TAF5L: variants seen among roughly 807,000 people sequenced by gnomAD.
TAF5L encodes the protein TATA-box binding protein associated factor 5 like.
A neutral mutation model predicts 51.3 loss-of-function variants in TAF5L; 7 were observed. The ratio of observed to expected loss-of-function variants is 0.14; its 90% confidence interval spans 0.08 to 0.26. The LOEUF is 0.26. TAF5L is among the 10% of genes least tolerant of loss of function. The pLI, the probability that TAF5L is intolerant of heterozygous loss-of-function variation, is 1.00. For missense variants in TAF5L, 575 were observed against 758.9 expected (o/e 0.76, Z 2.85); for synonymous variants, 291 against 308.1 (o/e 0.94, Z 0.58).
At chr1:229,615,064 T>TTTTCATTTTATTTTA (rs1387467408) in intron 1 of TAF5L, among the ~76,000 whole-genome samples, 9 of 152,172 alleles carry the variant, frequency 5.9e-5, no homozygotes, top group Non-Finnish European at 1.0e-4. Context: ...GCAAAATGTG[T>TTTTCATTTTATTTTA]TTTCATTTTA....
At chr1:229,595,238 C>T in intron 4 of TAF5L, 144 bp from the exon 5 acceptor site, 1 of 855,520 alleles carries the variant, frequency 1.2e-6, no homozygotes, top group Non-Finnish European at 1.8e-6. Flanking sequence ...TGACAGTGGC[C>T]TTGCCCTTGA....
At chr1:229,612,576 A>G (rs1571847161) in intron 2 of TAF5L, among the ~76,000 whole-genome samples, 1 of 152,366 alleles carries the variant, frequency 6.6e-6, no homozygotes, top group East Asian at 1.9e-4. Context: ...AAGGCAAGGA[A>G]TAATGGGTGG....
rs1664903790 is a variant in TAF5L, at chr1:229,614,544, C to G, written c.-3-59G>C. ...TCAGGGGCCTGGGAGAGCAACCTAT[C>G]TAACTGCACCATCGCAGATGGGTAG... On this transcript the variant is annotated intron_variant, in intron 1 of 4. Coordinates refer to ENST00000258281, the Ensembl canonical transcript of TAF5L. The G allele has an allele frequency of 4.4e-6, 7 of 1,593,554 alleles. No individual in the cohort carries two copies. The South Asian group carries it at 7.9e-5, about 18-fold the overall frequency.
rs1664363397 is a variant in TAF5L at position 229,601,274 on chromosome 1, T to C, written c.972+921A>G. 6.1e-6 allele frequency: 6 copies of C among 985,402 alleles called. No homozygotes were observed. The South Asian group carries it at 2.8e-4, about 46-fold the overall frequency. 61.0% of individuals were successfully genotyped at this position (985,402 alleles called of 1,614,324 possible). A position where few individuals can be genotyped will look rare whatever the true frequency, so the allele number is the denominator to read the frequency against. On this transcript the variant is annotated intron_variant, in intron 4 of 4. Transcript: ENST00000258281. Reference sequence around the variant, plus strand: ...TTGACATCCTTATCATTAACTGTAATTTAATTAGAGTGATTTTTTTGCTCC... The same window carrying C: ...TTGACATCCTTATCATTAACTGTAACTTAATTAGAGTGATTTTTTTGCTCC...
chr1:229,602,657 G>A lies in TAF5L; in HGVS notation c.510C>T (p.Asp170=). 1 of 1,614,170 alleles carries A rather than the reference G, an allele frequency of 6.2e-7. No homozygotes were observed. The highest frequency in any genetic ancestry group is 8.5e-7 in the Non-Finnish European group (1 of 1,180,030). Reference sequence around the variant, plus strand: ...GGTAGCGGATAAGGTAGTTGTAGCTGTCTTCTTGGAGACGGACCACGTACT... The same window carrying A: ...GGTAGCGGATAAGGTAGTTGTAGCTATCTTCTTGGAGACGGACCACGTACT... Residue 170 remains aspartate, a synonymous_variant, in exon 4 of 5, where the codon GAC becomes GAT. Coordinates refer to ENST00000258281, the Ensembl canonical transcript of TAF5L. The surrounding 1 kb of genome is among the most constrained non-coding windows in gnomAD (Gnocchi z 4.6).
At chr1:229,614,789 A>C (rs1372526338) in intron 1 of TAF5L, among the ~76,000 whole-genome samples, 1 of 152,248 alleles carries the variant, frequency 6.6e-6, no homozygotes, top group African/African-American at 2.4e-5. Flanking sequence ...CAGCCCCATG[A>C]AACTTTTCAT....
Position 229,602,988 on chromosome 1 carries a change from G to A in TAF5L, c.248-69C>T. On this transcript the variant is annotated intron_variant, in intron 3 of 4. Transcript: ENST00000258281. This position sits in a 1 kb window ranked among gnomAD's most constrained non-coding sequence, Gnocchi z 4.6. ...ACAGAATAACGTGATCCCTCCTGGG[G>A]ATCACCACCATCATATAATGCTTTC... The A allele has an allele frequency of 6.7e-7, 1 of 1,496,412 alleles. No homozygotes were observed. The allele number at this position is 1,496,412 out of a possible 1,614,324, so 92.7% of individuals were successfully genotyped here. A position where few individuals can be genotyped will look rare whatever the true frequency, so the allele number is the denominator to read the frequency against.
At chr1:229,618,679 T>C (rs753038889) in intron 1 of TAF5L, among the ~76,000 whole-genome samples, 5 of 152,176 alleles carry the variant, frequency 3.3e-5, no homozygotes, top group Non-Finnish European at 7.4e-5. Flanking sequence ...AGGCATCCTC[T>C]TAAGATGCTG....
chr1:229,619,865 C>T (rs78862166), intron 1 of TAF5L, among the ~76,000 whole-genome samples: 4,721 of 152,244 alleles, frequency 0.031, 90 homozygotes, highest in Middle Eastern at 0.065. Flanking sequence ...TCTGCCACTG[C>T]TTCTTCACAT....
At chr1:229,614,588 AC>A in intron 1 of TAF5L, 103 bp from the exon 2 acceptor site, 1 of 1,468,088 alleles carries the variant, frequency 6.8e-7, no homozygotes, top group Non-Finnish European at 9.2e-7. Context: ...GGAGAGAAAG[AC>A]CAGCCATGTG....
chr1:229,599,874 T>C (rs1664301755), intron 4 of TAF5L: 7 of 985,448 alleles, frequency 7.1e-6, no homozygotes, highest in Non-Finnish European at 8.4e-6. Flanking sequence ...GTAATAGTTA[T>C]TGCTTCAAAA....
chr1:229,613,329 C>CAAAAAAA (rs567436350), intron 2 of TAF5L, among the ~76,000 whole-genome samples: 3 of 84,536 alleles, frequency 3.5e-5, no homozygotes, highest in Non-Finnish European at 4.8e-5. Flanking sequence ...GACTCTGTCT[C>CAAAAAAA]AAAAAAAAAA....
rs145906526 is a variant in TAF5L at position 229,618,651 on chromosome 1, T to C, written c.-3-4166A>G. Among the ~76,000 whole-genome samples the C allele has an allele frequency of 3.0e-3, 459 of 151,822 alleles. 3 individuals are homozygous for C. Among genetic ancestry groups the C allele is most frequent in the African/African-American group, 0.01 (434 of 41,384 alleles). Reference sequence around the variant, plus strand: ...ATTCAACTACAGAAACATGGGGAGGTGGAGATACATGGAACCCAGGCATCC... The same window carrying C: ...ATTCAACTACAGAAACATGGGGAGGCGGAGATACATGGAACCCAGGCATCC... On this transcript the variant is annotated intron_variant, in intron 1 of 4. Coordinates refer to ENST00000258281, the Ensembl canonical transcript of TAF5L.
Position 229,594,831 on chromosome 1 carries a change from T to G in TAF5L, c.1236A>C (p.Ser412=). The change falls in exon 5 of 5, where the codon TCA becomes TCC. Residue 412 remains serine, a synonymous_variant. Transcript: ENST00000258281. The surrounding 1 kb of genome is among the most constrained non-coding windows in gnomAD (Gnocchi z 7.9). ...TCCTCAGCGGGTACGTCCGATCAAA[T>G]GACCACAGCCTGGCGGTGCGGTCGT... The G allele has an allele frequency of 6.2e-7, 1 of 1,614,238 alleles. No individual in the cohort carries two copies. The highest frequency in any genetic ancestry group is 2.2e-5 in the East Asian group (1 of 44,882).
In TAF5L at chr1:229,602,854, G is replaced by A; in HGVS notation, c.313C>T (p.Leu105Phe). ...TTCGGACTGTTTTGGACCAGGTTGA[G>A]ATGGAGGTAGACAAAGAGAGGATAG... Residue 105 changes from leucine to phenylalanine, a missense_variant, in exon 4 of 5, where the codon CTC (leucine) becomes TTC (phenylalanine). By Grantham distance (22) the Leu-to-Phe change is conservative. This residue lies in a region of TAF5L where 380 missense variants were observed against 443.7 expected (regional missense o/e 0.86). Transcript: ENST00000258281. The surrounding 1 kb of genome is among the most constrained non-coding windows in gnomAD (Gnocchi z 4.6). 1 of 1,610,480 alleles carries A rather than the reference G, an allele frequency of 6.2e-7. No individual in the cohort carries two copies. Among genetic ancestry groups the A allele is most frequent in the Non-Finnish European group, 8.5e-7 (1 of 1,180,028 alleles).
chr1:229,603,251 A>G (rs557013208), intron 3 of TAF5L, among the ~76,000 whole-genome samples: 67 of 152,312 alleles, frequency 4.4e-4, no homozygotes, highest in African/African-American at 1.6e-3. Flanking sequence ...TTTTTTCCCA[A>G]TATGTTAGTG....
At chr1:229,622,039 ATCTATCT>A in intron 1 of TAF5L, among the ~76,000 whole-genome samples, 1 of 145,236 alleles carries the variant, frequency 6.9e-6, no homozygotes, top group Non-Finnish European at 1.5e-5. Flanking sequence ...CTATCTATCT[ATCTATCT>A]ATCTATCTAT....
At chr1:229,614,247 A>C (rs759131415) in intron 2 of TAF5L, 94 bp downstream of exon 2, 1 of 1,608,882 alleles carries the variant, frequency 6.2e-7, no homozygotes, top group Non-Finnish European at 8.5e-7. Flanking sequence ...TCTCTCTGGC[A>C]CTGTCTTGAG....
chr1:229,598,870 T>C lies in TAF5L; in HGVS notation c.972+3325A>G, dbSNP rs150599126. On this transcript the variant is annotated intron_variant, in intron 4 of 4. Transcript: ENST00000258281. ...TCTGCCACCACGCCCAGCTAATTTT[T>C]GTATTTTTCATAGAGATGGGGTTTC... Among the ~76,000 whole-genome samples, 872 of 152,170 alleles carry C rather than the reference T, an allele frequency of 5.7e-3. 11 individuals carry two copies. The highest frequency in any genetic ancestry group is 0.02 in the African/African-American group (843 of 41,506).
Sources: gnomAD v4.1 joint callset for allele counts (sites outside exome capture counted in the v4.1 genomes callset) on GRCh38, gnomAD v4.1.1 for gene constraint, gnomAD v4.1.1 regional missense constraint, Gnocchi (gnomAD v3.1) non-coding constraint, MANE v1.5 for transcripts, NCBI Gene and HGNC (gene_info 2026-07-23, HGNC 2026-07-21) for gene names.